Variants in KDM5A observed in about 807,000 individuals in gnomAD.
KDM5A encodes lysine demethylase 5A.
A neutral mutation model predicts 193.5 loss-of-function variants in KDM5A; 42 were observed. That is an observed-to-expected ratio of 0.22 (90% CI 0.17 to 0.28). The LOEUF (loss-of-function observed/expected upper bound fraction) is 0.28, where lower values mean the gene tolerates loss of function less well. Ranked by LOEUF, KDM5A falls within the 10% of genes least tolerant of loss-of-function variation. KDM5A has a pLI of 1.00. For synonymous variants in KDM5A, 796 were observed against 718.1 expected, an observed-to-expected ratio of 1.11 and a Z score of -1.73; for missense variants, 1,692 against 2,055.1, an observed-to-expected ratio of 0.82 and a Z score of 3.42.
chr12:366,205 T>C, intron 3 of KDM5A, 101 bp from the exon 4 acceptor site: 1 of 1,023,820 alleles, frequency 9.8e-7, no homozygotes, highest in African/African-American at 1.6e-5. Flanking sequence ...AGGGCTTAAA[T>C]TTCAAATTTC....
chr12:323,229 A>AAAAAAAAAAAAG, intron 15 of KDM5A, 23 bp from the exon 16 acceptor site: 1 of 1,495,424 alleles, frequency 6.7e-7, no homozygotes, highest in South Asian at 1.3e-5. Flanking sequence ...AAAAAAAAAA[A>AAAAAAAAAAAAG]AAAAAAAAAA....
Position 385,989 on chromosome 12 carries a change from T to G in KDM5A, c.166-15A>C. ...GGCTGCCAGTCCTAAATAGAAAGAT[T>G]TTTTTAAAAAAACACAGTGGTATGT... On this transcript the variant is annotated splice_polypyrimidine_tract_variant and intron_variant, in intron 1 of 27. Transcript: ENST00000399788. 1 of 1,606,818 alleles carries G rather than the reference T, an allele frequency of 6.2e-7. No homozygotes were observed. The highest frequency in any genetic ancestry group is 8.5e-7 in the Non-Finnish European group (1 of 1,173,630).
rs138366254 is a variant in KDM5A at position 360,886 on chromosome 12, GA to G, written c.672+2076del. Among the ~76,000 whole-genome samples, 427 of 152,316 alleles carry G rather than the reference GA, an allele frequency of 2.8e-3. 13 individuals carry two copies. In the East Asian group the frequency reaches 0.065, roughly 23 times the overall value. On this transcript the variant is annotated intron_variant, in intron 5 of 27. Transcript: ENST00000399788. ...TATGCTGAAATCACTAAAGATGCCA[GA>G]AGGGATGGAAGAGGAGGGATTATCC...
chr12:351,766 C>T (rs905682383), intron 9 of KDM5A, among the ~76,000 whole-genome samples: 8 of 152,000 alleles, frequency 5.3e-5, no homozygotes, highest in East Asian at 1.9e-4. Context: ...GTCAGGAGAT[C>T]GAGACCAGCC....
chr12:379,025 ACT>A (rs1035293364), intron 3 of KDM5A, among the ~76,000 whole-genome samples: 1 of 152,056 alleles, frequency 6.6e-6, no homozygotes, highest in African/African-American at 2.4e-5. Flanking sequence ...TCCAAGTAAT[ACT>A]TTTTATTATC....
intron 27 of KDM5A, among the ~76,000 whole-genome samples, chr12:286,396 T>C (rs1943220000): frequency 6.6e-6 from 1 of 152,228 alleles, no homozygotes; most frequent in African/African-American, 2.4e-5. Flanking sequence ...GAAGGGATTG[T>C]AGTTTGGTGA....
chr12:379,064 G>A (rs1187911723), intron 3 of KDM5A, among the ~76,000 whole-genome samples: 1 of 151,752 alleles, frequency 6.6e-6, no homozygotes. Context: ...AAGATGAAGT[G>A]ATTTAATCAA....
intron 10 of KDM5A, among the ~76,000 whole-genome samples, chr12:336,069 TAGAG>T (rs1333989439): frequency 1.9e-4 from 15 of 77,782 alleles, no homozygotes; most frequent in South Asian, 3.8e-4. Context: ...AAAAAAAAAA[TAGAG>T]AGAAGCTGGG....
chr12:350,818 C>G (rs750940678), intron 9 of KDM5A, 39 bp from the exon 10 acceptor site: 1 of 1,542,574 alleles, frequency 6.5e-7, no homozygotes, highest in Non-Finnish European at 9.0e-7. Flanking sequence ...TATTAAACCA[C>G]TATAACTATA....
intron 17 of KDM5A, 39 bp downstream of exon 17, chr12:322,378 C>G: frequency 6.3e-7 from 1 of 1,599,760 alleles, no homozygotes. Flanking sequence ...CTGAAAGAAA[C>G]AGGAAAACAC....
rs559314574 is a variant in KDM5A at position 348,791 on chromosome 12, T to C, written c.1308+1830A>G. 1.1e-4 allele frequency among the ~76,000 whole-genome samples: 16 copies of C among 151,924 alleles called. No homozygotes were observed. In the East Asian group the frequency reaches 3.1e-3, roughly 29 times the overall value. ...TGGGGGGCTGGAGGAGGGATAGCATTAGGAGAAATACCTAATGTAAATGAG... is the reference window on the plus strand; with the variant it reads ...TGGGGGGCTGGAGGAGGGATAGCATCAGGAGAAATACCTAATGTAAATGAG... On this transcript the variant is annotated intron_variant, in intron 10 of 27. Transcript: ENST00000399788.
intron 3 of KDM5A, among the ~76,000 whole-genome samples, chr12:369,905 C>G (rs746427109): frequency 6.6e-6 from 1 of 152,180 alleles, no homozygotes; most frequent in African/African-American, 2.4e-5. Context: ...GTCATGATGT[C>G]CCACCCAGTT....
At chr12:372,854 T>A (rs906844667) in intron 3 of KDM5A, among the ~76,000 whole-genome samples, 1 of 152,320 alleles carries the variant, frequency 6.6e-6, no homozygotes, top group Non-Finnish European at 1.5e-5. Flanking sequence ...GATAATTGTG[T>A]GGTTTTTGTC....
rs1354676622 is a variant in KDM5A at position 284,290 on chromosome 12, T to A, written c.*1166A>T. 4.4e-6 allele frequency: 1 copy of A among 229,672 alleles called. No individual in the cohort carries two copies. The highest frequency in any genetic ancestry group is 6.3e-5 in the East Asian group (1 of 15,982). 14.2% of individuals were successfully genotyped at this position (229,672 alleles called of 1,614,324 possible). On this transcript the variant is annotated 3_prime_UTR_variant, in exon 28 of 28. Coordinates refer to ENST00000399788, the MANE Select transcript of KDM5A (RefSeq NM_001042603.3). ...AATCTATGTATAGAACAGTCAGTAG[T>A]CAGAGACATTTAGAAAAAAGTAAAA...
intron 4 of KDM5A, among the ~76,000 whole-genome samples, 157 bp from the exon 5 acceptor site, chr12:363,254 G>A (rs927912217): frequency 3.3e-5 from 5 of 151,918 alleles, no homozygotes; most frequent in Non-Finnish European, 5.9e-5. Context: ...ATCCTGGCAG[G>A]CTTTTTGTTG....
intron 24 of KDM5A, among the ~76,000 whole-genome samples, chr12:305,969 G>GTTTTT (rs3038312): frequency 0.016 from 1,663 of 104,110 alleles, 94 homozygotes; most frequent in African/African-American, 0.04. Flanking sequence ...CAATGGAAGT[G>GTTTTT]TTTTTTTTTT....
intron 10 of KDM5A, among the ~76,000 whole-genome samples, chr12:341,401 G>A (rs531517177): frequency 6.6e-6 from 1 of 151,906 alleles, no homozygotes; most frequent in African/African-American, 2.4e-5. Flanking sequence ...TTCTCCCTTG[G>A]TAAATCCCAA....
At position 293,511 on chromosome 12, in the gene KDM5A, G is replaced by A. The variant is rs139152582; in HGVS notation, c.4456-342C>T. Among the ~76,000 whole-genome samples, 442 of 152,276 alleles carry A rather than the reference G, an allele frequency of 2.9e-3. 2 individuals carry two copies. The highest frequency in any genetic ancestry group is 9.6e-3 in the African/African-American group (399 of 41,556). ...AAAGATTTATGGGCCAGGCACAGTG[G>A]TTCAGGCCTGTAATCCCAGCACTCT... On this transcript the variant is annotated intron_variant, in intron 26 of 27. Coordinates refer to ENST00000399788, the MANE Select transcript of KDM5A (RefSeq NM_001042603.3).
At position 352,301 on chromosome 12, in the gene KDM5A, G is replaced by A; in HGVS notation, c.1053C>T (p.Ala351=). Reference sequence around the variant, plus strand: ...CTCGTACAGCTTGTTCAAATCCAAAGGCTTCTCGAGGTTTGCTACATTCCT... The same window carrying A: ...CTCGTACAGCTTGTTCAAATCCAAAAGCTTCTCGAGGTTTGCTACATTCCT... ...VAEECSKPRE[A]FGFEQAVREY... Residue 351 remains alanine, a synonymous_variant, in exon 9 of 28, where the codon GCC becomes GCT. Transcript: ENST00000399788. 6.2e-7 allele frequency: 1 copy of A among 1,613,350 alleles called. No individual in the cohort carries two copies.
Sources: allele counts gnomAD v4.1 joint callset (sites outside exome capture counted in the v4.1 genomes callset), GRCh38; gene constraint gnomAD v4.1.1; transcripts MANE v1.5; gene names NCBI Gene and HGNC (gene_info 2026-07-23, HGNC 2026-07-21).